Variants in DGKB observed in about 807,000 individuals in gnomAD.
DGKB encodes 90 kDa diacylglycerol kinase.
A neutral mutation model predicts 114.3 loss-of-function variants in DGKB; 67 were observed. The observed-to-expected ratio is 0.59, with a 90% CI of 0.48 to 0.72. DGKB has a LOEUF of 0.72. Among genes scored for constraint, DGKB ranks in the 30% least tolerant of loss-of-function variants. The probability of loss-of-function intolerance (pLI) is 0.00; values close to 1 mark genes in which losing one functional copy is unlikely to be tolerated. For synonymous variants in DGKB, 398 were observed against 323.1 expected (o/e 1.23, Z -2.49); for missense variants, 907 against 975.2 (o/e 0.93, Z 0.93).
chr7:14,946,332 G>GA (rs979302619), intron 1 of DGKB, among the ~76,000 whole-genome samples: 3 of 151,640 alleles, frequency 2.0e-5, no homozygotes, highest in Non-Finnish European at 4.4e-5. Flanking sequence ...GGCTTGAAGA[G>GA]AAAATGAATG....
chr7:14,502,675 A>C (rs1288262444), intron 20 of DGKB, among the ~76,000 whole-genome samples: 4 of 152,060 alleles, frequency 2.6e-5, no homozygotes, highest in Non-Finnish European at 5.9e-5. Flanking sequence ...TTAGATTGGA[A>C]ACTTAAATTG....
chr7:14,956,114 T>A lies in DGKB; in HGVS notation c.-188+18582A>T, dbSNP rs1786492254. ...GCAATTCAAAATATGCTAAGACTCA[T>A]CTCAGGGTAACTTTAAGAAAAATGA... On this transcript the variant is annotated intron_variant, in intron 1 of 4. Coordinates refer to the DGKB transcript ENST00000437998. 2.0e-5 allele frequency among the ~76,000 whole-genome samples: 3 copies of A among 151,958 alleles called. No homozygotes were observed. The South Asian group carries it at 6.2e-4, about 31-fold the overall frequency.
At chr7:14,279,798 A>C (rs3900420) in intron 23 of DGKB, among the ~76,000 whole-genome samples, 127,489 of 144,816 alleles carry the variant, frequency 0.88, 56,492 homozygotes, top group African/African-American at 0.97. Context: ...AGCTGAGGGT[A>C]CTGTCTGTCA....
At chr7:14,458,069 C>T (rs572880940) in intron 21 of DGKB, among the ~76,000 whole-genome samples, 1 of 151,956 alleles carries the variant, frequency 6.6e-6, no homozygotes, top group African/African-American at 2.4e-5. Context: ...ATCTTCAAGC[C>T]TTGATTAAAA....
At chr7:14,759,237 C>G (rs188217179) in intron 2 of DGKB, among the ~76,000 whole-genome samples, 52 of 152,258 alleles carry the variant, frequency 3.4e-4, no homozygotes, top group African/African-American at 1.2e-3. Context: ...TGAAACAGTA[C>G]TTTTAAGTGA....
rs1047138957 is a variant in DGKB, at chr7:14,366,458, G to A, written c.1836-21067C>T. ...TGCATACTCCTGCCCCAGGCAAACT[G>A]ACATTGCTGTATCCTGAATGTGTTG... On this transcript the variant is annotated intron_variant, in intron 21 of 25. Coordinates refer to ENST00000402815, the MANE Select transcript of DGKB (RefSeq NM_001350709.2). Among the ~76,000 whole-genome samples the A allele has an allele frequency of 2.0e-5, 3 of 152,244 alleles. No homozygotes were observed. The South Asian group carries it at 6.2e-4, about 32-fold the overall frequency.
upstream of DGKB, among the ~76,000 whole-genome samples, chr7:14,908,036 A>G (rs1190301301): frequency 6.6e-6 from 1 of 152,190 alleles, no homozygotes; most frequent in Non-Finnish European, 1.5e-5. Context: ...GCAGACTGTA[A>G]TATAGCCCAG....
chr7:14,700,538 C>T (rs569021147), intron 7 of DGKB, among the ~76,000 whole-genome samples: 1 of 152,204 alleles, frequency 6.6e-6, no homozygotes, highest in East Asian at 1.9e-4. Context: ...ATTACTGAGA[C>T]TTACAGATAA....
chr7:14,386,230 C>T (rs1412051953), intron 21 of DGKB, among the ~76,000 whole-genome samples: 1 of 152,202 alleles, frequency 6.6e-6, no homozygotes, highest in Non-Finnish European at 1.5e-5. Flanking sequence ...CTAGCGTTTT[C>T]AAATCCAGTT....
chr7:14,677,360 C>T (rs941605567), intron 12 of DGKB, among the ~76,000 whole-genome samples: 76 of 152,066 alleles, frequency 5.0e-4, no homozygotes, highest in African/African-American at 1.6e-3. Context: ...TTTGGAGGCA[C>T]ATATTTACTG....
At chr7:14,512,173 T>C (rs1376921548) in intron 20 of DGKB, among the ~76,000 whole-genome samples, 1 of 152,156 alleles carries the variant, frequency 6.6e-6, no homozygotes, top group Non-Finnish European at 1.5e-5. Context: ...GTCTGTAAAG[T>C]GCAATAAAGC....
chr7:14,691,626 A>G (rs1380884744), intron 9 of DGKB, among the ~76,000 whole-genome samples: 3 of 152,206 alleles, frequency 2.0e-5, no homozygotes, highest in Non-Finnish European at 4.4e-5. Context: ...TGATCATTAC[A>G]CATGATTATA....
intron 4 of DGKB, among the ~76,000 whole-genome samples, chr7:14,746,655 C>T (rs1470622056): frequency 2.0e-5 from 3 of 152,034 alleles, no homozygotes; most frequent in African/African-American, 2.4e-5. Flanking sequence ...CTCACAACCA[C>T]GCCCAGCTAA....
chr7:14,698,880 C>A (rs1824584237), intron 7 of DGKB, among the ~76,000 whole-genome samples: 1 of 152,054 alleles, frequency 6.6e-6, no homozygotes, highest in Admixed American at 6.5e-5. Flanking sequence ...TTGTGAAATG[C>A]TTGTAATTTC....
chr7:14,263,797 T>C (rs928913730), intron 23 of DGKB, among the ~76,000 whole-genome samples: 4 of 152,122 alleles, frequency 2.6e-5, no homozygotes, highest in Admixed American at 6.5e-5. Context: ...AATCATTTTT[T>C]ATTGTATTTG....
intron 23 of DGKB, chr7:14,209,415 C>T: frequency 2.1e-6 from 1 of 469,828 alleles, no homozygotes; most frequent in Non-Finnish European, 4.4e-6. Context: ...CATTTGGATG[C>T]CCTTTCTCCA....
chr7:14,389,207 T>C lies in DGKB; in HGVS notation c.1836-43816A>G, dbSNP rs1237406206. On this transcript the variant is annotated intron_variant, in intron 21 of 25. Transcript: ENST00000402815. ...TTGTTGGAGTTCCACATTTTCTTTGTGTGGGACCGAGGAATCATGGAAAAT... is the reference window on the plus strand; with the variant it reads ...TTGTTGGAGTTCCACATTTTCTTTGCGTGGGACCGAGGAATCATGGAAAAT... 3.9e-5 allele frequency among the ~76,000 whole-genome samples: 6 copies of C among 152,334 alleles called. No individual in the cohort carries two copies. In the East Asian group the frequency reaches 9.7e-4, roughly 25 times the overall value.
intron 20 of DGKB, among the ~76,000 whole-genome samples, chr7:14,571,883 G>C (rs1048200140): frequency 2.0e-5 from 3 of 152,128 alleles, no homozygotes; most frequent in Non-Finnish European, 4.4e-5. Context: ...AGAAAGAAAG[G>C]CTCCACAGGT....
At chr7:14,182,480 A>G (rs543978346) in intron 23 of DGKB, among the ~76,000 whole-genome samples, 1 of 152,240 alleles carries the variant, frequency 6.6e-6, no homozygotes, top group South Asian at 2.1e-4. Context: ...TAAATTTTAA[A>G]ACATTATGTC....
Sources: allele counts gnomAD v4.1 joint callset (sites outside exome capture counted in the v4.1 genomes callset), GRCh38; gene constraint gnomAD v4.1.1; transcripts MANE v1.5; gene names NCBI Gene and HGNC (gene_info 2026-07-23, HGNC 2026-07-21).